Variants in NCKAP5 observed in about 807,000 individuals in gnomAD.
The protein encoded by NCKAP5 is nck-associated protein 5.
NCKAP5 carries 92 observed loss-of-function variants against 167.0 expected under a neutral mutation model. The observed-to-expected ratio is 0.55, with a 90% CI of 0.47 to 0.66. The LOEUF is 0.66. Among genes scored for constraint, NCKAP5 ranks in the 30% least tolerant of loss-of-function variants. The probability of loss-of-function intolerance (pLI) is 0.00; values close to 1 mark genes in which losing one functional copy is unlikely to be tolerated. For missense variants in NCKAP5, 2,378 were observed against 2,315.0 expected (o/e 1.03, Z -0.56); for synonymous variants, 891 against 877.4 (o/e 1.02, Z -0.27).
At chr2:133,400,976 C>T (rs546589983) in intron 3 of NCKAP5, among the ~76,000 whole-genome samples, 2 of 152,256 alleles carry the variant, frequency 1.3e-5, no homozygotes, top group East Asian at 3.9e-4. Context: ...CTAACTATAC[C>T]TGAGTTACTC....
chr2:132,768,971 G>A (rs1365586649), intron 16 of NCKAP5, among the ~76,000 whole-genome samples: 2 of 139,560 alleles, frequency 1.4e-5, no homozygotes, highest in Non-Finnish European at 3.0e-5. Context: ...ATGAGGCAGG[G>A]TCTTGCTCTG....
chr2:132,920,719 G>T lies in NCKAP5; in HGVS notation c.580-41803C>A, dbSNP rs28620688. Among the ~76,000 whole-genome samples the T allele has an allele frequency of 3.9e-3, 250 of 64,692 alleles. 13 individuals carry two copies. The highest frequency in any genetic ancestry group is 0.013 in the African/African-American group (225 of 17,036). 42.4% of individuals were successfully genotyped at this position (64,692 alleles called of 152,430 possible). ...TATATATACGTATATGTATATATATGTATATATATATATGTATATATATGT... is the reference window on the plus strand; with the variant it reads ...TATATATACGTATATGTATATATATTTATATATATATATGTATATATATGT... On this transcript the variant is annotated intron_variant, in intron 8 of 19. Transcript: ENST00000409261.
At chr2:133,566,945 G>A (rs192202033) in intron 1 of NCKAP5, among the ~76,000 whole-genome samples, 1 of 152,312 alleles carries the variant, frequency 6.6e-6, no homozygotes. Flanking sequence ...AGGACTCCCT[G>A]GAAAACAGTC....
At chr2:133,098,203 T>G (rs1559136853) in intron 6 of NCKAP5, among the ~76,000 whole-genome samples, 2 of 152,242 alleles carry the variant, frequency 1.3e-5, no homozygotes, top group Non-Finnish European at 2.9e-5. Context: ...GTAATGTGTT[T>G]TTAATCAGAC....
intron 2 of NCKAP5, among the ~76,000 whole-genome samples, chr2:133,534,744 A>T (rs1223454931): frequency 6.6e-6 from 1 of 152,204 alleles, no homozygotes; most frequent in African/African-American, 2.4e-5. Context: ...GTATATATTT[A>T]CCAGTATTGG....
chr2:132,805,229 C>G (rs948415642), intron 11 of NCKAP5, among the ~76,000 whole-genome samples: 7 of 152,022 alleles, frequency 4.6e-5, no homozygotes, highest in Admixed American at 4.6e-4. Flanking sequence ...AACTATCATA[C>G]CTGTCTTGCA....
chr2:133,147,937 G>A (rs1051362861), intron 5 of NCKAP5, among the ~76,000 whole-genome samples: 4 of 152,038 alleles, frequency 2.6e-5, no homozygotes, highest in African/African-American at 9.7e-5. Context: ...GGGAAGAACA[G>A]TAACTTTTAA....
chr2:132,801,952 C>A (rs556243747), intron 11 of NCKAP5, among the ~76,000 whole-genome samples: 1 of 152,216 alleles, frequency 6.6e-6, no homozygotes, highest in South Asian at 2.1e-4. Context: ...GAGCCTTTGG[C>A]TATTTAGTAG....
intron 3 of NCKAP5, among the ~76,000 whole-genome samples, chr2:133,480,503 T>C (rs1418567009): frequency 6.6e-6 from 1 of 152,134 alleles, no homozygotes; most frequent in Non-Finnish European, 1.5e-5. Flanking sequence ...TCTGATCCTG[T>C]GCATAGAGCC....
At chr2:133,242,021 G>A (rs552593292) in intron 4 of NCKAP5, among the ~76,000 whole-genome samples, 2 of 151,292 alleles carry the variant, frequency 1.3e-5, no homozygotes, top group South Asian at 4.2e-4. Flanking sequence ...AGAAGGCTGA[G>A]GCAGGAGAAT....
the NCKAP5 span, among the ~76,000 whole-genome samples, chr2:133,669,475 C>G: frequency 6.6e-6 from 1 of 152,082 alleles, no homozygotes; most frequent in Non-Finnish European, 1.5e-5. Flanking sequence ...ATATTGTTGT[C>G]AGGTAAAATT....
chr2:132,868,965 G>C lies in NCKAP5; in HGVS notation c.658C>G (p.Gln220Glu), dbSNP rs1483468697. 1 of 1,545,040 alleles carries C rather than the reference G, an allele frequency of 6.5e-7. No homozygotes were observed. ...TGAGTAAGCAGAGCTTGAACAACTT[G>C]GTTGGCTACCTTTAAAAAATAAAGA... ...YERCLDEVAN[Q>E]VVQALLTQKD... Residue 220 changes from glutamine to glutamate, a missense_variant, in exon 10 of 20, where the codon CAA becomes GAA. This residue lies in a region of NCKAP5 where 1,049 missense variants were observed against 1,023.4 expected (regional missense o/e 1.02). Transcript: ENST00000409261.
intron 5 of NCKAP5, among the ~76,000 whole-genome samples, chr2:133,152,788 G>C (rs1380038422): frequency 2.0e-5 from 3 of 152,108 alleles, no homozygotes; most frequent in African/African-American, 4.8e-5. Context: ...TGAGATTATA[G>C]TACTGTAATT....
chr2:132,913,190 C>T (rs540095225), intron 8 of NCKAP5, among the ~76,000 whole-genome samples: 1 of 151,956 alleles, frequency 6.6e-6, no homozygotes, highest in Non-Finnish European at 1.5e-5. Flanking sequence ...CCACCATGTG[C>T]CAAGTTCCTA....
In NCKAP5 at chr2:133,407,355, C is replaced by G. The variant is rs114679539; in HGVS notation, c.70-104245G>C. On this transcript the variant is annotated intron_variant, in intron 3 of 19. Coordinates refer to ENST00000409261, the MANE Select transcript of NCKAP5 (RefSeq NM_207363.3). The stretch of plus-strand genomic sequence containing the variant: ...TAATCCTGGTCCCTCCTGTTGGCTT[C>G]TTTCAAAATTTTGAGTTGTTTCCAG... 9.0e-3 allele frequency among the ~76,000 whole-genome samples: 1,371 copies of G among 152,340 alleles called. 20 individuals carry two copies. Among genetic ancestry groups the G allele is most frequent in the African/African-American group, 0.031 (1,276 of 41,566 alleles).
At chr2:132,871,855 G>GTGT (rs1690848120) in intron 9 of NCKAP5, among the ~76,000 whole-genome samples, 1 of 152,228 alleles carries the variant, frequency 6.6e-6, no homozygotes. Context: ...TATAACGACA[G>GTGT]TGTCCGAGGT....
intron 12 of NCKAP5, among the ~76,000 whole-genome samples, chr2:132,792,693 A>T (rs1037416832): frequency 1.3e-5 from 2 of 152,096 alleles, no homozygotes; most frequent in Admixed American, 1.3e-4. Flanking sequence ...ACCTTTCTGC[A>T]CTCTGCCTGG....
At position 132,969,207 on chromosome 2, in the gene NCKAP5, T is replaced by A. The variant is rs537469926; in HGVS notation, c.430-5338A>T. ...CAGGTGCCACCACACCAGGCTGATT[T>A]TTGTGTTTTTAGTAGAGATGGGGTT... is the stretch of plus-strand genomic sequence containing the variant. On this transcript the variant is annotated intron_variant, in intron 7 of 19. Coordinates refer to ENST00000409261, the MANE Select transcript of NCKAP5 (RefSeq NM_207363.3). 4.4e-3 allele frequency among the ~76,000 whole-genome samples: 663 copies of A among 152,080 alleles called. 8 individuals are homozygous for A. The highest frequency in any genetic ancestry group is 0.016 in the African/African-American group (645 of 41,494).
At chr2:133,261,087 G>T (rs1321363982) in intron 4 of NCKAP5, among the ~76,000 whole-genome samples, 1 of 152,188 alleles carries the variant, frequency 6.6e-6, no homozygotes, top group African/African-American at 2.4e-5. Flanking sequence ...CAATGAAAAT[G>T]AGCAAAGAAC....
Sources: gnomAD v4.1 joint callset for allele counts (sites outside exome capture counted in the v4.1 genomes callset) on GRCh38, gnomAD v4.1.1 for gene constraint, gnomAD v4.1.1 regional missense constraint, MANE v1.5 for transcripts, NCBI Gene and HGNC (gene_info 2026-07-23, HGNC 2026-07-21) for gene names.